The following IPMK variants were observed in gnomAD, a reference collection of about 807,000 sequenced individuals.
IPMK encodes the protein inositol 1,3,4,6-tetrakisphosphate 5-kinase.
In IPMK, 17 loss-of-function variants were observed where a neutral mutation model predicts 45.8. The ratio of observed to expected loss-of-function variants is 0.37; its 90% CI spans 0.25 to 0.56. The LOEUF is 0.56. Among genes scored for constraint, IPMK ranks in the 20% least tolerant of loss-of-function variants. The probability of loss-of-function intolerance (pLI) is 0.79; values close to 1 mark genes in which losing one functional copy is unlikely to be tolerated. For synonymous variants in IPMK, 180 were observed against 184.3 expected, an observed-to-expected ratio of 0.98 and a Z score of 0.19; for missense variants, 399 against 498.0, an observed-to-expected ratio of 0.80 and a Z score of 1.89.
intron 2 of IPMK, among the ~76,000 whole-genome samples, chr10:58,235,683 G>A (rs1382956131): frequency 6.6e-6 from 1 of 152,182 alleles, no homozygotes; most frequent in Non-Finnish European, 1.5e-5. Flanking sequence ...GCTGGGGAGG[G>A]ATAGCGTTAT....
At chr10:58,256,824 C>G (rs910839378) in intron 1 of IPMK, among the ~76,000 whole-genome samples, 1 of 152,126 alleles carries the variant, frequency 6.6e-6, no homozygotes, top group Non-Finnish European at 1.5e-5. Context: ...GGCTGGTTCC[C>G]CCGAAAGACA....
intron 3 of IPMK, among the ~76,000 whole-genome samples, chr10:58,223,820 A>ATAGT (rs372609118): frequency 4.1e-4 from 62 of 152,212 alleles, no homozygotes; most frequent in Non-Finnish European, 8.2e-4. Context: ...ACGAGATCTG[A>ATAGT]TAGTTTTAAA....
At chr10:58,218,892 G>A (rs776244393) in intron 3 of IPMK, among the ~76,000 whole-genome samples, 4 of 152,182 alleles carry the variant, frequency 2.6e-5, no homozygotes, top group Non-Finnish European at 5.9e-5. Context: ...ATAAATGTTT[G>A]CTGAATGAAT....
intron 1 of IPMK, among the ~76,000 whole-genome samples, chr10:58,252,356 T>C (rs1838893361): frequency 6.6e-6 from 1 of 152,186 alleles, no homozygotes; most frequent in African/African-American, 2.4e-5. Context: ...ATTAAGAGTT[T>C]TGTCTTTTAG....
rs112340653 is a variant in IPMK, at chr10:58,250,497, T to C, written c.191-12683A>G. ...TTTCAGATTGTTCACTGCTGATGTA[T>C]AGAAATGCAGATTTTTGTATGTTGA... On this transcript the variant is annotated intron_variant, in intron 1 of 5. Coordinates refer to ENST00000373935, the MANE Select transcript of IPMK (RefSeq NM_152230.5). Among the ~76,000 whole-genome samples, 603 of 152,308 alleles carry C rather than the reference T, an allele frequency of 4.0e-3. 6 individuals are homozygous for C. The highest frequency in any genetic ancestry group is 7.0e-3 in the South Asian group (34 of 4,824).
intron 2 of IPMK, among the ~76,000 whole-genome samples, chr10:58,234,650 T>C (rs1838580468): frequency 6.6e-6 from 1 of 152,202 alleles, no homozygotes; most frequent in Admixed American, 6.5e-5. Flanking sequence ...CCTTACACCT[T>C]ATACAAAAAT....
At chr10:58,212,196 C>T (rs921872182) in intron 4 of IPMK, among the ~76,000 whole-genome samples, 6 of 151,990 alleles carry the variant, frequency 3.9e-5, no homozygotes, top group Admixed American at 1.3e-4. Flanking sequence ...TAGTTTCCAC[C>T]GTGAAAGTTA....
chr10:58,235,658 G>A (rs1228177340), intron 2 of IPMK, among the ~76,000 whole-genome samples: 1 of 152,166 alleles, frequency 6.6e-6, no homozygotes, highest in Non-Finnish European at 1.5e-5. Context: ...ACCGGGGCCT[G>A]TCAGGGGCTG....
At chr10:58,240,450 C>T (rs1838679953) in intron 1 of IPMK, among the ~76,000 whole-genome samples, 1 of 151,644 alleles carries the variant, frequency 6.6e-6, no homozygotes, top group African/African-American at 2.4e-5. Context: ...TAGTTGGGGT[C>T]CCATAAAGAG....
intron 3 of IPMK, 47 bp from the exon 4 acceptor site, chr10:58,216,364 T>A: frequency 1.2e-6 from 1 of 835,512 alleles, no homozygotes; most frequent in Non-Finnish European, 1.7e-6. Flanking sequence ...AACATATTAC[T>A]ACTCAAGTAC....
chr10:58,220,883 A>G (rs1838322758), intron 3 of IPMK, among the ~76,000 whole-genome samples: 1 of 152,216 alleles, frequency 6.6e-6, no homozygotes, highest in South Asian at 2.1e-4. Flanking sequence ...CAAGTAAGTC[A>G]CTGATAAGTA....
chr10:58,215,010 G>C (rs1838223210), intron 4 of IPMK, among the ~76,000 whole-genome samples: 1 of 152,146 alleles, frequency 6.6e-6, no homozygotes, highest in Non-Finnish European at 1.5e-5. Flanking sequence ...GAATTTCATA[G>C]AAGTGACAGC....
At position 58,244,057 on chromosome 10, in the gene IPMK, C is replaced by T. The variant is rs543016250; in HGVS notation, c.191-6243G>A. ...GAAGTGAGGGGCACCTCTGCCCGGCCGCTCTTCGTCTGGGAGGTGGGGAAC... is the reference window on the plus strand; with the variant it reads ...GAAGTGAGGGGCACCTCTGCCCGGCTGCTCTTCGTCTGGGAGGTGGGGAAC... On this transcript the variant is annotated intron_variant, in intron 1 of 5. Transcript: ENST00000373935. Among the ~76,000 whole-genome samples the T allele has an allele frequency of 9.2e-5, 14 of 151,426 alleles. No individual in the cohort carries two copies. The South Asian group carries it at 2.3e-3, about 25-fold the overall frequency.
At chr10:58,240,980 T>C (rs908531891) in intron 1 of IPMK, among the ~76,000 whole-genome samples, 1 of 152,142 alleles carries the variant, frequency 6.6e-6, no homozygotes. Context: ...TCTTAAGTTG[T>C]TGAGGTAAGA....
chr10:58,214,497 CTG>C (rs1398492516), intron 4 of IPMK, among the ~76,000 whole-genome samples: 6 of 152,206 alleles, frequency 3.9e-5, no homozygotes, highest in Admixed American at 3.9e-4. Context: ...TTTGTTTTAA[CTG>C]TATTCCATTA....
At chr10:58,257,008 G>A (rs1439050722) in intron 1 of IPMK, among the ~76,000 whole-genome samples, 1 of 152,106 alleles carries the variant, frequency 6.6e-6, no homozygotes, top group Non-Finnish European at 1.5e-5. Flanking sequence ...GAGGCTGCTG[G>A]TAAGCCGTGA....
chr10:58,215,152 A>T (rs1326167500), intron 4 of IPMK, among the ~76,000 whole-genome samples: 2 of 152,304 alleles, frequency 1.3e-5, no homozygotes, highest in South Asian at 4.1e-4. Context: ...AGCCAACAGT[A>T]CCAACTTCCT....
intron 1 of IPMK, among the ~76,000 whole-genome samples, chr10:58,258,579 A>C (rs1839009137): frequency 6.6e-6 from 1 of 152,186 alleles, no homozygotes; most frequent in Admixed American, 6.5e-5. Context: ...ATTTAGGAAA[A>C]TACCAAATAG....
intron 1 of IPMK, among the ~76,000 whole-genome samples, chr10:58,266,398 T>C (rs759802259): frequency 1.1e-4 from 16 of 152,126 alleles, no homozygotes; most frequent in Non-Finnish European, 2.1e-4. Flanking sequence ...GGTGAAAAAA[T>C]ACAGTACTCA....
Sources: gnomAD v4.1 joint callset for allele counts (sites outside exome capture counted in the v4.1 genomes callset) on GRCh38, gnomAD v4.1.1 for gene constraint, MANE v1.5 for transcripts, NCBI Gene and HGNC (gene_info 2026-07-23, HGNC 2026-07-21) for gene names.